The following DNM2 variants were observed in gnomAD, a reference collection of about 807,000 sequenced individuals.
DNM2 encodes dynamin-2.
In DNM2, 15 loss-of-function variants were observed where a neutral mutation model predicts 99.0. The ratio of observed to expected loss-of-function variants is 0.15; its 90% CI spans 0.10 to 0.23. The LOEUF (loss-of-function observed/expected upper bound fraction) is 0.23, where lower values mean the gene tolerates loss of function less well. Among genes scored for constraint, DNM2 ranks in the 10% least tolerant of loss-of-function variants. The pLI is 1.00. For synonymous variants in DNM2, 525 were observed against 481.2 expected, an observed-to-expected ratio of 1.09 and a Z score of -1.19; for missense variants, 742 against 1,189.4, an observed-to-expected ratio of 0.62 and a Z score of 5.53.
intron 13 of DNM2, 139 bp from the exon 14 acceptor site, chr19:10,808,426 TGCTG>T: frequency 1.3e-6 from 1 of 760,382 alleles, no homozygotes; most frequent in Non-Finnish European, 2.1e-6. Flanking sequence ...TTTTTTCTTT[TGCTG>T]TTTTTTCCCC....
At position 10,817,434 on chromosome 19, in the gene DNM2, A is replaced by T. The variant is rs746524562; in HGVS notation, c.1672-2546A>T. 2 of 515,064 alleles carry T rather than the reference A, an allele frequency of 3.9e-6. No homozygotes were observed. The highest frequency in any genetic ancestry group is 8.0e-6 in the Non-Finnish European group (2 of 250,624). 31.9% of individuals were successfully genotyped at this position (515,064 alleles called of 1,614,324 possible). ...CCGCTCACCCAAGCCCAGCCTAACC[A>T]ATGTGCAGACTACTGTACACATTGA... is the stretch of plus-strand genomic sequence containing the variant. On this transcript the variant is annotated intron_variant, in intron 15 of 20. Transcript: ENST00000389253. The surrounding 1 kb of genome is among the most constrained non-coding windows in gnomAD (Gnocchi z 4.6).
chr19:10,728,944 C>CA (rs34423244), intron 1 of DNM2, among the ~76,000 whole-genome samples: 6,778 of 121,888 alleles, frequency 0.056, 184 homozygotes, highest in African/African-American at 0.082. Flanking sequence ...GACCCGGTCT[C>CA]AAAAAAAAAA....
At chr19:10,792,715 C>G (rs947476098) in intron 7 of DNM2, among the ~76,000 whole-genome samples, 1 of 152,080 alleles carries the variant, frequency 6.6e-6, no homozygotes, top group African/African-American at 2.4e-5. Flanking sequence ...TCAAGCGGTT[C>G]TCCTGCCTCA....
intron 16 of DNM2, among the ~76,000 whole-genome samples, chr19:10,821,277 G>T (rs188364487): frequency 6.6e-6 from 1 of 152,270 alleles, no homozygotes; most frequent in East Asian, 1.9e-4. Context: ...TCCCTGAGCC[G>T]TGTGCCTCCT....
intron 2 of DNM2, among the ~76,000 whole-genome samples, chr19:10,770,928 A>G (rs968338112): frequency 1.4e-4 from 22 of 152,148 alleles, no homozygotes; most frequent in African/African-American, 3.9e-4. Context: ...AAGTAGCTGG[A>G]ACTACAGGTG....
At chr19:10,755,935 A>T (rs1305435178) in intron 1 of DNM2, among the ~76,000 whole-genome samples, 1 of 152,058 alleles carries the variant, frequency 6.6e-6, no homozygotes, top group Non-Finnish European at 1.5e-5. Flanking sequence ...AAGTGCTGGG[A>T]TTATAGGCGT....
At chr19:10,789,698 G>A (rs1297733764) in intron 7 of DNM2, among the ~76,000 whole-genome samples, 4 of 152,114 alleles carry the variant, frequency 2.6e-5, no homozygotes, top group African/African-American at 9.7e-5. Flanking sequence ...GCCAGGTGTG[G>A]TGGTGGGCAC....
Position 10,772,671 on chromosome 19 carries a change from C to A in DNM2, c.385+43C>A. 1 of 1,612,602 alleles carries A rather than the reference C, an allele frequency of 6.2e-7. No individual in the cohort carries two copies. The highest frequency in any genetic ancestry group is 1.1e-5 in the South Asian group (1 of 90,878). On this transcript the variant is annotated intron_variant, in intron 3 of 20. Transcript: ENST00000389253. This position sits in a 1 kb window ranked among gnomAD's most constrained non-coding sequence, Gnocchi z 4.9. Reference sequence around the variant, plus strand: ...GGACCCATCACTGACCGTTTCTGGTCGTTCATGGACAGTGCTATGGGTGAG... The same window carrying A: ...GGACCCATCACTGACCGTTTCTGGTAGTTCATGGACAGTGCTATGGGTGAG...
rs548204022 is a variant in DNM2 at position 10,735,074 on chromosome 19, T to C, written c.161+16671T>C. Among the ~76,000 whole-genome samples, 212 of 152,144 alleles carry C rather than the reference T, an allele frequency of 1.4e-3. 2 individuals carry two copies. Among genetic ancestry groups the C allele is most frequent in the African/African-American group, 4.9e-3 (205 of 41,512 alleles). ...TTTTTGTTTTTTTGAGATGGAGTCT[T>C]GCTCTGTCGCCCAGGCTGGAGTGCA... On this transcript the variant is annotated intron_variant, in intron 1 of 20. Transcript: ENST00000389253.
intron 1 of DNM2, among the ~76,000 whole-genome samples, chr19:10,737,247 T>A (rs533768499): frequency 6.6e-6 from 1 of 152,196 alleles, no homozygotes; most frequent in Admixed American, 6.5e-5. Context: ...TGAGGCGCTG[T>A]CCTACCTCAT....
In DNM2 at chr19:10,830,517, C is replaced by T. The variant is rs1050599846; in HGVS notation, c.2543+139C>T. 2.6e-5 allele frequency: 28 copies of T among 1,073,514 alleles called. No individual in the cohort carries two copies. The highest frequency in any genetic ancestry group is 4.8e-5 in the Admixed American group (2 of 41,382). The allele number at this position is 1,073,514 out of a possible 1,614,324, so 66.5% of individuals were successfully genotyped here. A position where few individuals can be genotyped will look rare whatever the true frequency, so the allele number is the denominator to read the frequency against. ...ATCGTCCTCATCCCTATTTGGCTTG[C>T]GAGGAAACAGGCCCAGAGAGGCCAA... On this transcript the variant is annotated intron_variant, in intron 20 of 20. Coordinates refer to ENST00000389253, the MANE Select transcript of DNM2 (RefSeq NM_001005361.3). This position sits in a 1 kb window ranked among gnomAD's most constrained non-coding sequence, Gnocchi z 4.8.
chr19:10,732,987 G>A (rs1036208303), intron 1 of DNM2, among the ~76,000 whole-genome samples: 2 of 151,586 alleles, frequency 1.3e-5, no homozygotes, highest in African/African-American at 4.8e-5. Flanking sequence ...AGGTTCAAGC[G>A]ATTCTCCTGC....
At chr19:10,781,031 A>AAG (rs1277125161) in intron 5 of DNM2, among the ~76,000 whole-genome samples, 1 of 151,148 alleles carries the variant, frequency 6.6e-6, no homozygotes, top group Non-Finnish European at 1.5e-5. Context: ...AAAAAAAAAA[A>AAG]AAAAAAAAAA....
At chr19:10,735,268 G>A (rs1202843189) in intron 1 of DNM2, among the ~76,000 whole-genome samples, 3 of 151,948 alleles carry the variant, frequency 2.0e-5, no homozygotes, top group African/African-American at 7.3e-5. Context: ...TCGATCTCCT[G>A]ACCTCATGAT....
At chr19:10,719,903 T>C (rs1337613650) in intron 1 of DNM2, among the ~76,000 whole-genome samples, 1 of 152,148 alleles carries the variant, frequency 6.6e-6, no homozygotes, top group Admixed American at 6.6e-5. Flanking sequence ...CCCAGAGCCT[T>C]GGGGCTTTGC....
At chr19:10,802,394 C>T in intron 12 of DNM2, 36 bp downstream of exon 12, 1 of 1,604,484 alleles carries the variant, frequency 6.2e-7, no homozygotes, top group South Asian at 1.1e-5. Flanking sequence ...TCGGGCGGCA[C>T]CAATCCTCAC....
rs749699725 is a variant in DNM2, at chr19:10,829,248, C to T, written c.2271C>T (p.Leu757=). Residue 757 remains leucine, a synonymous_variant, in exon 19 of 21, where the codon CTC becomes CTT. Transcript: ENST00000389253. Reference sequence around the variant, plus strand: ...CCCCGCCTGTCGATGACACCTGGCTCCAGAGCGCCAGCAGCCACAGGTCCG... The same window carrying T: ...CCCCGCCTGTCGATGACACCTGGCTTCAGAGCGCCAGCAGCCACAGGTCCG... ...PVPPPVDDTW[L]QSASSHSPTP... is the part of the protein sequence containing the mutation. 4 of 1,613,580 alleles carry T rather than the reference C, an allele frequency of 2.5e-6. No homozygotes were observed. The highest frequency in any genetic ancestry group is 1.7e-6 in the Non-Finnish European group (2 of 1,180,004).
In DNM2 at chr19:10,812,167, C is replaced by A; in HGVS notation, c.1558-97C>A. 1 of 1,057,866 alleles carries A rather than the reference C, an allele frequency of 9.5e-7. No individual in the cohort carries two copies. The highest frequency in any genetic ancestry group is 1.4e-6 in the Non-Finnish European group (1 of 718,610). The allele number at this position is 1,057,866 out of a possible 1,614,324, so 65.5% of individuals were successfully genotyped here. A position where few individuals can be genotyped will look rare whatever the true frequency, so the allele number is the denominator to read the frequency against. ...GGGCTGGAGGTGTCTCTATTGCGGTCCCTGGCTTCCCACTGAGCTGTGGGC... is the reference window on the plus strand; with the variant it reads ...GGGCTGGAGGTGTCTCTATTGCGGTACCTGGCTTCCCACTGAGCTGTGGGC... On this transcript the variant is annotated intron_variant, in intron 14 of 20. Transcript: ENST00000389253. The surrounding 1 kb of genome is among the most constrained non-coding windows in gnomAD (Gnocchi z 4.0).
chr19:10,721,982 C>T (rs1355145611), intron 1 of DNM2, among the ~76,000 whole-genome samples: 2 of 152,100 alleles, frequency 1.3e-5, no homozygotes, highest in African/African-American at 4.8e-5. Flanking sequence ...TCTGGCTGTG[C>T]GACTCGGCCA....
Sources: allele counts gnomAD v4.1 joint callset (sites outside exome capture counted in the v4.1 genomes callset), GRCh38; gene constraint gnomAD v4.1.1; non-coding constraint Gnocchi (gnomAD v3.1); transcripts MANE v1.5; gene names NCBI Gene and HGNC (gene_info 2026-07-23, HGNC 2026-07-21).